The following TESC variants were observed in gnomAD, a reference collection of about 807,000 sequenced individuals.
TESC encodes calcineurin B homologous protein 3.
TESC carries 19 observed loss-of-function variants against 31.0 expected under a neutral mutation model. That is an observed-to-expected ratio of 0.61 (90% CI 0.43 to 0.90). The LOEUF is 0.90. Among genes scored for constraint, TESC ranks in the 40% least tolerant of loss-of-function variants. The pLI, the probability that TESC is intolerant of heterozygous loss-of-function variation, is 0.00. For synonymous variants in TESC, 109 were observed against 114.8 expected, an observed-to-expected ratio of 0.95 and a Z score of 0.32; for missense variants, 248 against 303.8, an observed-to-expected ratio of 0.82 and a Z score of 1.36.
intron 3 of TESC, among the ~76,000 whole-genome samples, chr12:117,053,749 C>T (rs557742264): frequency 5.9e-5 from 9 of 152,216 alleles, no homozygotes; most frequent in East Asian, 1.9e-4. Flanking sequence ...CGCGCGCACG[C>T]GCACACACAC....
chr12:117,053,767 TACAC>T (rs1313419549), intron 3 of TESC, among the ~76,000 whole-genome samples: 2 of 151,780 alleles, frequency 1.3e-5, no homozygotes, highest in Non-Finnish European at 1.5e-5. Flanking sequence ...CACATACACA[TACAC>T]ACACGCACGC....
At chr12:117,054,289 A>G (rs994634130) in intron 3 of TESC, among the ~76,000 whole-genome samples, 3 of 151,860 alleles carry the variant, frequency 2.0e-5, no homozygotes, top group Non-Finnish European at 2.9e-5. Flanking sequence ...CACCCTCTGC[A>G]AAGTGCAAAC....
intron 2 of TESC, among the ~76,000 whole-genome samples, chr12:117,072,382 C>T (rs899015738): frequency 6.6e-6 from 1 of 152,144 alleles, no homozygotes; most frequent in African/African-American, 2.4e-5. Flanking sequence ...AGTGCCCGGC[C>T]GACTGCTCAT....
chr12:117,046,449 A>T, intron 6 of TESC, 110 bp downstream of exon 6: 1 of 1,064,340 alleles, frequency 9.4e-7, no homozygotes, highest in Non-Finnish European at 1.3e-6. Flanking sequence ...GGCCACAGGT[A>T]GAGCAGGTGG....
At chr12:117,094,790 C>T (rs1263935502) in intron 1 of TESC, among the ~76,000 whole-genome samples, 4 of 151,780 alleles carry the variant, frequency 2.6e-5, no homozygotes, top group African/African-American at 9.7e-5. Flanking sequence ...CAGAGGCAGG[C>T]GGATCACTTA....
intron 2 of TESC, among the ~76,000 whole-genome samples, chr12:117,075,054 A>G (rs913415689): frequency 1.3e-5 from 2 of 152,140 alleles, no homozygotes; most frequent in Admixed American, 6.5e-5. Flanking sequence ...GCTGAGGCAG[A>G]AGAATGGTGT....
chr12:117,045,957 C>A (rs894561632), intron 6 of TESC, among the ~76,000 whole-genome samples: 4 of 152,180 alleles, frequency 2.6e-5, no homozygotes, highest in African/African-American at 9.6e-5. Context: ...ATCATAAGGT[C>A]TAGAGGATTC....
At chr12:117,095,164 A>T (rs1185064847) in intron 1 of TESC, among the ~76,000 whole-genome samples, 4 of 151,768 alleles carry the variant, frequency 2.6e-5, no homozygotes, top group African/African-American at 9.7e-5. Context: ...AACCTCCGCC[A>T]CCCAGGTTCA....
intron 1 of TESC, 77 bp downstream of exon 1, chr12:117,099,148 C>A: frequency 7.1e-7 from 1 of 1,403,814 alleles, no homozygotes; most frequent in Non-Finnish European, 9.3e-7. Flanking sequence ...CACAGCGCGG[C>A]GGCGGGCCGG....
chr12:117,095,276 T>C (rs953939881), intron 1 of TESC, among the ~76,000 whole-genome samples: 11 of 152,042 alleles, frequency 7.2e-5, no homozygotes, highest in Admixed American at 4.6e-4. Flanking sequence ...GGTTTCACTA[T>C]CTTGGCCAGG....
chr12:117,075,875 G>GTATATATA (rs528031954), intron 1 of TESC, among the ~76,000 whole-genome samples: 6 of 62,520 alleles, frequency 9.6e-5, no homozygotes, highest in Non-Finnish European at 1.7e-4. Flanking sequence ...ATATATGTGT[G>GTATATATA]TATATATATA....
chr12:117,057,441 T>A (rs1954741219), intron 2 of TESC, among the ~76,000 whole-genome samples: 1 of 152,102 alleles, frequency 6.6e-6, no homozygotes, highest in South Asian at 2.1e-4. Context: ...TGTACATTCA[T>A]CCCCAAACAA....
At chr12:117,095,266 G>A (rs868244380) in intron 1 of TESC, among the ~76,000 whole-genome samples, 10 of 151,962 alleles carry the variant, frequency 6.6e-5, no homozygotes, top group Admixed American at 4.6e-4. Flanking sequence ...GTAGAGACAG[G>A]GTTTCACTAT....
In TESC at chr12:117,056,850, G is replaced by T; in HGVS notation, c.165C>A (p.Leu55=). 6.2e-7 allele frequency: 1 copy of T among 1,614,140 alleles called. No homozygotes were observed. Among genetic ancestry groups the T allele is most frequent in the South Asian group, 1.1e-5 (1 of 91,072 alleles). ...ENFNNVPDLE[L]NPIRSKIVRA... is the part of the protein sequence containing the mutation. ...GAACAATTTTGGATCGGATGGGGTTGAGCTCCAGGTCCGGGACATTGTTGA... is the reference window on the plus strand; with the variant it reads ...GAACAATTTTGGATCGGATGGGGTTTAGCTCCAGGTCCGGGACATTGTTGA... The change falls in exon 3 of 8, where the codon CTC becomes CTA. Residue 55 remains leucine, a synonymous_variant. Coordinates refer to ENST00000335209, the MANE Select transcript of TESC (RefSeq NM_017899.4).
chr12:117,086,250 A>T (rs1955218005), intron 1 of TESC, among the ~76,000 whole-genome samples: 1 of 151,856 alleles, frequency 6.6e-6, no homozygotes, highest in African/African-American at 2.4e-5. Context: ...ACTTAATGCC[A>T]ATGAATTATA....
intron 1 of TESC, among the ~76,000 whole-genome samples, chr12:117,077,139 A>G (rs1258968596): frequency 6.6e-6 from 1 of 152,196 alleles, no homozygotes; most frequent in East Asian, 1.9e-4. Context: ...TCAACAGCTC[A>G]GTATTCTCAA....
chr12:117,092,314 C>T (rs1438274245), intron 1 of TESC, among the ~76,000 whole-genome samples: 1 of 152,146 alleles, frequency 6.6e-6, no homozygotes, highest in East Asian at 1.9e-4. Context: ...CTCCAGGGTC[C>T]CGCTCTGTGG....
intron 2 of TESC, among the ~76,000 whole-genome samples, chr12:117,060,430 C>T (rs182027541): frequency 4.6e-5 from 7 of 152,272 alleles, no homozygotes; most frequent in African/African-American, 1.4e-4. Flanking sequence ...CCTCACTGCT[C>T]GGAGACAGCT....
chr12:117,053,589 C>G (rs980000299), intron 3 of TESC, among the ~76,000 whole-genome samples: 1 of 152,092 alleles, frequency 6.6e-6, no homozygotes, highest in Non-Finnish European at 1.5e-5. Context: ...GAACATATGC[C>G]CTTGTGAAAT....
Sources: gnomAD v4.1 joint callset for allele counts (sites outside exome capture counted in the v4.1 genomes callset) on GRCh38, gnomAD v4.1.1 for gene constraint, MANE v1.5 for transcripts, NCBI Gene and HGNC (gene_info 2026-07-23, HGNC 2026-07-21) for gene names.